PAPPA: variants seen among roughly 807,000 people sequenced by gnomAD.
The protein encoded by PAPPA is pappalysin-1.
In PAPPA, 60 loss-of-function variants were observed where a neutral mutation model predicts 164.0. The ratio of observed to expected loss-of-function variants is 0.37; its 90% confidence interval spans 0.30 to 0.45. PAPPA has a LOEUF of 0.45. PAPPA is among the 20% of genes least tolerant of loss of function. PAPPA has a pLI of 1.00. For missense variants in PAPPA, 1,782 were observed against 2,087.3 expected, an observed-to-expected ratio of 0.85 and a Z score of 2.85; for synonymous variants, 875 against 814.1, an observed-to-expected ratio of 1.07 and a Z score of -1.27.
intron 17 of PAPPA, among the ~76,000 whole-genome samples, chr9:116,354,683 C>T (rs532586511): frequency 2.0e-5 from 3 of 152,288 alleles, no homozygotes; most frequent in South Asian, 4.2e-4. Context: ...TCTCTTTTGT[C>T]CCCAATGCCA....
At position 116,347,117 on chromosome 9, in the gene PAPPA, A is replaced by G; in HGVS notation, c.3872A>G (p.His1291Arg). ...GTCGACTGCAGCATCCCAGATCACC[A>G]TCAAGTCTATGCTGCCTCCTTCTCC... ...EPVDCSIPDH[H>R]QVYAASFSCP... Residue 1291 changes from histidine to arginine, a missense_variant, in exon 15 of 22, where the codon CAT becomes CGT. Physicochemically the swap from His to Arg is conservative, Grantham distance 29. Transcript: ENST00000328252. This position sits in a 1 kb window ranked among gnomAD's most constrained non-coding sequence, Gnocchi z 4.5. 1.2e-6 allele frequency: 2 copies of G among 1,614,154 alleles called. No individual in the cohort carries two copies. The highest frequency in any genetic ancestry group is 1.7e-6 in the Non-Finnish European group (2 of 1,179,990).
At chr9:116,264,895 A>G (rs1030808191) in intron 7 of PAPPA, among the ~76,000 whole-genome samples, 1 of 152,096 alleles carries the variant, frequency 6.6e-6, no homozygotes, top group Non-Finnish European at 1.5e-5. Context: ...CTTGGAGGAT[A>G]ATTGGCAGTA....
intron 9 of PAPPA, among the ~76,000 whole-genome samples, chr9:116,281,568 G>A (rs1438477039): frequency 6.6e-6 from 1 of 152,092 alleles, no homozygotes; most frequent in Non-Finnish European, 1.5e-5. Flanking sequence ...GGTTTAGGCA[G>A]CATCCAGGAT....
chr9:116,180,145 G>A (rs11791477), intron 1 of PAPPA, among the ~76,000 whole-genome samples: 8,911 of 152,174 alleles, frequency 0.059, 426 homozygotes, highest in Non-Finnish European at 0.082. Flanking sequence ...GTCACAGAAT[G>A]TGGATGGAAG....
chr9:116,389,344 G>A (rs1846859831), intron 21 of PAPPA, among the ~76,000 whole-genome samples: 1 of 152,012 alleles, frequency 6.6e-6, no homozygotes, highest in African/African-American at 2.4e-5. Context: ...TATTGCTCAG[G>A]CTGGTCTTGA....
chr9:116,274,609 C>G (rs775551436), intron 9 of PAPPA, among the ~76,000 whole-genome samples: 3 of 152,136 alleles, frequency 2.0e-5, no homozygotes, highest in African/African-American at 4.8e-5. Context: ...TTTGGCTAAG[C>G]CTCAGTGTTC....
chr9:116,294,897 C>T (rs2118874860), intron 9 of PAPPA, among the ~76,000 whole-genome samples: 1 of 152,268 alleles, frequency 6.6e-6, no homozygotes, highest in South Asian at 2.1e-4. Flanking sequence ...GAAATAGATG[C>T]TAATTTCTCA....
At chr9:116,289,535 T>A (rs1426594784) in intron 9 of PAPPA, among the ~76,000 whole-genome samples, 2 of 151,860 alleles carry the variant, frequency 1.3e-5, no homozygotes, top group African/African-American at 2.4e-5. Context: ...ATTTGTATAA[T>A]AAGCCTTAAT....
chr9:116,383,815 TAGGAC>T (rs1846766214), intron 21 of PAPPA, among the ~76,000 whole-genome samples: 1 of 152,194 alleles, frequency 6.6e-6, no homozygotes, highest in Non-Finnish European at 1.5e-5. Context: ...TTTTGATTGA[TAGGAC>T]ACTGAAGACG....
chr9:116,311,697 G>T (rs1845719622), intron 10 of PAPPA, among the ~76,000 whole-genome samples: 1 of 152,162 alleles, frequency 6.6e-6, no homozygotes, highest in Non-Finnish European at 1.5e-5. Context: ...GTCATTCTGT[G>T]AGATGGTATG....
intron 6 of PAPPA, among the ~76,000 whole-genome samples, chr9:116,228,492 G>A (rs976531155): frequency 6.6e-6 from 1 of 152,068 alleles, no homozygotes; most frequent in Admixed American, 6.6e-5. Flanking sequence ...TTAGAAAGAA[G>A]GTTGAAAAGA....
intron 10 of PAPPA, among the ~76,000 whole-genome samples, chr9:116,311,933 G>A (rs930230038): frequency 1.3e-5 from 2 of 152,198 alleles, no homozygotes; most frequent in African/African-American, 2.4e-5. Context: ...GGTGCCACGT[G>A]GAACGGTGAG....
chr9:116,398,583 T>C lies in PAPPA; in HGVS notation c.*1967T>C, dbSNP rs1847000016. The C allele has an allele frequency of 7.9e-7, 1 of 1,272,800 alleles. No homozygotes were observed. The highest frequency in any genetic ancestry group is 1.0e-6 in the Non-Finnish European group (1 of 973,922). 78.8% of individuals were successfully genotyped at this position (1,272,800 alleles called of 1,614,324 possible). ...GATCAAAAACACTTGAGAAGACATCTATTGGCCATCTCTGGCCAATTACAC... is the reference window on the plus strand; with the variant it reads ...GATCAAAAACACTTGAGAAGACATCCATTGGCCATCTCTGGCCAATTACAC... On this transcript the variant is annotated 3_prime_UTR_variant, in exon 22 of 22. Transcript: ENST00000328252.
chr9:116,243,340 T>G (rs1317046185), intron 7 of PAPPA, among the ~76,000 whole-genome samples: 2 of 152,352 alleles, frequency 1.3e-5, no homozygotes, highest in African/African-American at 4.8e-5. Context: ...TTTGTAGCAT[T>G]TACTACTGGT....
chr9:116,329,250 C>T (rs887695656), intron 10 of PAPPA, among the ~76,000 whole-genome samples: 1 of 152,108 alleles, frequency 6.6e-6, no homozygotes, highest in Non-Finnish European at 1.5e-5. Context: ...GACCTGGTCC[C>T]GTTCATTGGA....
At chr9:116,214,112 T>C (rs1353143748) in intron 4 of PAPPA, among the ~76,000 whole-genome samples, 1 of 152,210 alleles carries the variant, frequency 6.6e-6, no homozygotes, top group Non-Finnish European at 1.5e-5. Flanking sequence ...TTTATATCTG[T>C]GTTGGCCAGT....
chr9:116,182,665 G>A (rs1480814238), intron 1 of PAPPA, among the ~76,000 whole-genome samples: 1 of 152,150 alleles, frequency 6.6e-6, no homozygotes, highest in African/African-American at 2.4e-5. Context: ...CTTTGTGGAT[G>A]TTCTTCCTTT....
intron 10 of PAPPA, among the ~76,000 whole-genome samples, chr9:116,305,056 AAC>A (rs147736582): frequency 1.5e-4 from 22 of 143,658 alleles, no homozygotes; most frequent in Non-Finnish European, 2.4e-4. Flanking sequence ...GTCATTCACA[AAC>A]ACACACACAC....
At chr9:116,181,442 T>C (rs1208649661) in intron 1 of PAPPA, among the ~76,000 whole-genome samples, 1 of 152,176 alleles carries the variant, frequency 6.6e-6, no homozygotes, top group African/African-American at 2.4e-5. Context: ...TGTCCTAATT[T>C]TCTCCTCTTA....
Sources: allele counts gnomAD v4.1 joint callset (sites outside exome capture counted in the v4.1 genomes callset), GRCh38; gene constraint gnomAD v4.1.1; non-coding constraint Gnocchi (gnomAD v3.1); transcripts MANE v1.5; gene names NCBI Gene and HGNC (gene_info 2026-07-23, HGNC 2026-07-21).